Variants in NOL4L observed in about 807,000 individuals in gnomAD.
NOL4L encodes the protein nucleolar protein 4 like.
In NOL4L, 7 loss-of-function variants were observed where a neutral mutation model predicts 64.5. That is an observed-to-expected ratio of 0.11 (90% confidence interval 0.06 to 0.20). The LOEUF is 0.20. NOL4L is among the 10% of genes least tolerant of loss of function. The probability of loss-of-function intolerance (pLI) is 1.00; values close to 1 mark genes in which losing one functional copy is unlikely to be tolerated. For missense variants in NOL4L, 680 were observed against 967.1 expected (o/e 0.70, Z 3.94); for synonymous variants, 413 against 401.0 (o/e 1.03, Z -0.36).
chr20:32,476,769 T>C (rs529301602), intron 4 of NOL4L, among the ~76,000 whole-genome samples: 1 of 152,258 alleles, frequency 6.6e-6, no homozygotes, highest in East Asian at 1.9e-4. Flanking sequence ...AGAAAAACAT[T>C]GATGACGGCT....
chr20:32,485,076 A>AAAAAAAAAAAAAAAAAAAAAAAAAAAC, intron 4 of NOL4L, among the ~76,000 whole-genome samples: 1 of 148,188 alleles, frequency 6.7e-6, no homozygotes, highest in African/African-American at 2.5e-5. Context: ...AAAAAAAAAA[A>AAAAAAAAAAAAAAAAAAAAAAAAAAAC]AAAAAAAAAA....
At chr20:32,518,419 G>A (rs1255985886) in intron 3 of NOL4L, among the ~76,000 whole-genome samples, 5 of 152,232 alleles carry the variant, frequency 3.3e-5, no homozygotes, top group Non-Finnish European at 7.3e-5. Context: ...GCTGTGCTCC[G>A]CGTTGCCCTC....
intron 5 of NOL4L, among the ~76,000 whole-genome samples, chr20:32,465,625 C>T (rs1365613518): frequency 6.6e-6 from 1 of 152,230 alleles, no homozygotes; most frequent in African/African-American, 2.4e-5. Flanking sequence ...CCCGTGTTCT[C>T]AGAGCAAACA....
chr20:32,569,946 G>A (rs796234572), intron 1 of NOL4L, among the ~76,000 whole-genome samples: 44 of 152,250 alleles, frequency 2.9e-4, no homozygotes, highest in African/African-American at 8.7e-4. Flanking sequence ...ATCATTTGCC[G>A]GTAGTTTCTT....
intron 1 of NOL4L, among the ~76,000 whole-genome samples, chr20:32,566,033 A>G (rs1317319751): frequency 6.6e-6 from 1 of 152,198 alleles, no homozygotes; most frequent in Non-Finnish European, 1.5e-5. Flanking sequence ...CAACAGAGCA[A>G]GGCCCTGTCT....
intron 1 of NOL4L, 115 bp from the exon 2 acceptor site, chr20:32,528,028 G>T: frequency 2.5e-6 from 2 of 806,706 alleles, no homozygotes; most frequent in South Asian, 2.3e-5. Context: ...GTGGGTCTTG[G>T]GGTGGGGAGG....
At chr20:32,487,574 G>T (rs1473374214) in intron 4 of NOL4L, among the ~76,000 whole-genome samples, 1 of 152,112 alleles carries the variant, frequency 6.6e-6, no homozygotes, top group African/African-American at 2.4e-5. Flanking sequence ...AAGGTGACCA[G>T]AGTGCTAGAG....
intron 1 of NOL4L, chr20:32,537,024 C>T: frequency 2.0e-6 from 2 of 980,830 alleles, no homozygotes; most frequent in South Asian, 4.7e-5. Context: ...CCCCTTCCGG[C>T]CCCGCCAACC....
At chr20:32,457,424 G>A (rs1176929239) in intron 5 of NOL4L, among the ~76,000 whole-genome samples, 2 of 152,244 alleles carry the variant, frequency 1.3e-5, no homozygotes, top group Admixed American at 6.5e-5. Flanking sequence ...AGCGGGCCCT[G>A]CCGCCCCTTC....
intron 3 of NOL4L, among the ~76,000 whole-genome samples, chr20:32,512,120 C>G (rs2017434998): frequency 6.6e-6 from 1 of 152,168 alleles, no homozygotes; most frequent in South Asian, 2.1e-4. Context: ...ACATGGGGCC[C>G]CCACTCCCGA....
chr20:32,551,354 C>A (rs760182084), intron 1 of NOL4L, among the ~76,000 whole-genome samples: 1 of 150,790 alleles, frequency 6.6e-6, no homozygotes, highest in East Asian at 2.0e-4. Flanking sequence ...CCAGCCTGGA[C>A]GACAGCGTGA....
intron 5 of NOL4L, among the ~76,000 whole-genome samples, chr20:32,469,395 A>C (rs561619793): frequency 1.4e-5 from 2 of 144,238 alleles, no homozygotes; most frequent in South Asian, 4.4e-4. Flanking sequence ...TTTTAGATGG[A>C]GTTTTGCTCT....
intron 4 of NOL4L, among the ~76,000 whole-genome samples, chr20:32,509,539 A>AG (rs2017296696): frequency 6.6e-6 from 1 of 150,676 alleles, no homozygotes; most frequent in Non-Finnish European, 1.5e-5. Flanking sequence ...AAAAAAAAAA[A>AG]AGAAAAGAAA....
At chr20:32,476,564 A>G (rs2015413080) in intron 4 of NOL4L, among the ~76,000 whole-genome samples, 1 of 152,228 alleles carries the variant, frequency 6.6e-6, no homozygotes, top group African/African-American at 2.4e-5. Context: ...CTCACGACTT[A>G]AAAGACAGAG....
At chr20:32,564,731 C>A (rs1348048751) in intron 1 of NOL4L, among the ~76,000 whole-genome samples, 2 of 152,228 alleles carry the variant, frequency 1.3e-5, no homozygotes, top group Non-Finnish European at 2.9e-5. Context: ...GTATGTCTGG[C>A]CCTTCAAGGT....
At chr20:32,561,897 G>A (rs1366146337) in intron 1 of NOL4L, among the ~76,000 whole-genome samples, 1 of 152,206 alleles carries the variant, frequency 6.6e-6, no homozygotes, top group Admixed American at 6.5e-5. Context: ...GCTGAGGTGG[G>A]AGGATCGCTT....
At chr20:32,577,085 GTTCTC>G (rs1477766335) in intron 1 of NOL4L, among the ~76,000 whole-genome samples, 1 of 152,230 alleles carries the variant, frequency 6.6e-6, no homozygotes, top group Non-Finnish European at 1.5e-5. Flanking sequence ...CTGGTACCAA[GTTCTC>G]ATCTACTTCA....
intron 4 of NOL4L, among the ~76,000 whole-genome samples, chr20:32,497,150 C>A (rs553841876): frequency 6.6e-5 from 10 of 151,728 alleles, no homozygotes; most frequent in African/African-American, 2.4e-4. Flanking sequence ...CACCCAAAGC[C>A]ATTATCTCTA....
intron 4 of NOL4L, chr20:32,485,719 C>A (rs2016060919): frequency 6.4e-6 from 3 of 470,326 alleles, no homozygotes; most frequent in African/African-American, 6.0e-5. Flanking sequence ...CTCTTAAGTT[C>A]ATCCAGGAAA....
Sources: gnomAD v4.1 joint callset for allele counts (sites outside exome capture counted in the v4.1 genomes callset) on GRCh38, gnomAD v4.1.1 for gene constraint, MANE v1.5 for transcripts, NCBI Gene and HGNC (gene_info 2026-07-23, HGNC 2026-07-21) for gene names.